NPAT: variants seen among roughly 807,000 people sequenced by gnomAD.
NPAT encodes protein NPAT.
A neutral mutation model predicts 130.7 loss-of-function variants in NPAT; 52 were observed. That is an observed-to-expected ratio of 0.40 (90% CI 0.32 to 0.50). NPAT has a LOEUF of 0.50. NPAT is among the 20% of genes least tolerant of loss of function. The pLI, the probability that NPAT is intolerant of heterozygous loss-of-function variation, is 0.68. For missense variants in NPAT, 1,687 were observed against 1,662.6 expected (o/e 1.01, Z -0.26); for synonymous variants, 580 against 584.8 (o/e 0.99, Z 0.12).
chr11:108,170,666 C>T (rs1186901364), intron 13 of NPAT, among the ~76,000 whole-genome samples: 2 of 152,366 alleles, frequency 1.3e-5, no homozygotes, highest in African/African-American at 2.4e-5. Context: ...ACACTACTGT[C>T]AGGTTGATCC....
chr11:108,166,389 T>C (rs1340266059), intron 15 of NPAT, among the ~76,000 whole-genome samples: 2 of 151,756 alleles, frequency 1.3e-5, no homozygotes, highest in African/African-American at 2.4e-5. Context: ...AAGACTCCCA[T>C]CTAAAAAAAA....
chr11:108,176,888 A>G, intron 11 of NPAT, 106 bp downstream of exon 11: 1 of 720,046 alleles, frequency 1.4e-6, no homozygotes, highest in South Asian at 1.6e-5. Context: ...AAATGAAAAC[A>G]AGAACTTTTT....
At chr11:108,207,858 A>G (rs963083447) in intron 1 of NPAT, among the ~76,000 whole-genome samples, 1 of 152,182 alleles carries the variant, frequency 6.6e-6, no homozygotes, top group African/African-American at 2.4e-5. Context: ...TGCCCTGTGG[A>G]GCACACAGCC....
Position 108,172,295 on chromosome 11 carries a change from T to C in NPAT, c.2689A>G (p.Met897Val). ...TGAGGTGGTAGAGGTTGAGCAGTCA[T>C]AGGTGCAGAATTTCCAGGCAACACC... ...VVVLPGNSAP[M>V]TAQPLPPQLQ... The change falls in exon 13 of 18, where the codon ATG becomes GTG. Residue 897 changes from methionine (M) to valine (V), a missense_variant. This residue lies in a region of NPAT where 1,379 missense variants were observed against 1,346.6 expected (regional missense o/e 1.02). Coordinates refer to ENST00000278612, the MANE Select transcript of NPAT (RefSeq NM_002519.3). The C allele has an allele frequency of 1.2e-6, 2 of 1,614,166 alleles. No individual in the cohort carries two copies. Among genetic ancestry groups the C allele is most frequent in the East Asian group, 2.2e-5 (1 of 44,880 alleles).
intron 15 of NPAT, among the ~76,000 whole-genome samples, chr11:108,166,253 G>C (rs1057398079): frequency 6.6e-6 from 1 of 152,060 alleles, no homozygotes; most frequent in Non-Finnish European, 1.5e-5. Flanking sequence ...TTAGCTGAGT[G>C]TTGTGGCATG....
intron 1 of NPAT, chr11:108,208,539 G>T (rs1314916647): frequency 2.2e-6 from 1 of 451,010 alleles, no homozygotes; most frequent in Admixed American, 2.4e-5. Context: ...AGCGAACCAT[G>T]ACTGCACCAC....
intron 17 of NPAT, among the ~76,000 whole-genome samples, chr11:108,159,764 A>T (rs2077827435): frequency 6.6e-6 from 1 of 151,964 alleles, no homozygotes; most frequent in African/African-American, 2.4e-5. Flanking sequence ...TAATCCCAGC[A>T]CTTTGGGAGG....
rs577236782 is a variant in NPAT at position 108,208,600 on chromosome 11, A to AAG, written c.38-11182_38-11181dup. 77 of 339,654 alleles carry AAG rather than the reference A, an allele frequency of 2.3e-4. 1 individual carries two copies. The highest frequency in any genetic ancestry group is 1.1e-3 in the South Asian group (50 of 46,396). 21.0% of individuals were successfully genotyped at this position (339,654 alleles called of 1,614,324 possible). On this transcript the variant is annotated intron_variant, in intron 1 of 17. Transcript: ENST00000278612. ...GAGACCCTGTCTTTAAAAAAAAAAA[A>AAG]AGAGAGAGAGAGAAATAACACTTAT...
In NPAT at chr11:108,172,775, T is replaced by C. The variant is rs776924039; in HGVS notation, c.2209A>G (p.Ile737Val). Residue 737 changes from isoleucine (I) to valine (V), a missense_variant, in exon 13 of 18, where the codon ATC becomes GTC. Physicochemically the swap from Ile to Val is conservative, Grantham distance 29. Coordinates refer to ENST00000278612, the MANE Select transcript of NPAT (RefSeq NM_002519.3). ...CTAATGATAACTTTGAGAGAGACGA[T>C]ATTTGATGCATCTATCTCTGCTGAG... ...NNSAEIDASN[I>V]VSLKVIISDD... 3 of 1,613,688 alleles carry C rather than the reference T, an allele frequency of 1.9e-6. No homozygotes were observed. Among genetic ancestry groups the C allele is most frequent in the Admixed American group, 3.3e-5 (2 of 60,024 alleles).
intron 1 of NPAT, among the ~76,000 whole-genome samples, chr11:108,216,100 G>C (rs907202027): frequency 5.4e-5 from 8 of 149,360 alleles, no homozygotes; most frequent in African/African-American, 2.1e-4. Flanking sequence ...AACTTCTACA[G>C]ACTATTAGAA....
chr11:108,212,945 CAAAAAAAAAA>C (rs34466178), intron 1 of NPAT, among the ~76,000 whole-genome samples: 10 of 36,416 alleles, frequency 2.7e-4, no homozygotes, highest in African/African-American at 9.5e-4. Context: ...GACTCTGTCT[CAAAAAAAAAA>C]AAAAAAAAAA....
intron 12 of NPAT, among the ~76,000 whole-genome samples, chr11:108,174,754 A>G (rs920500847): frequency 6.6e-6 from 1 of 151,538 alleles, no homozygotes; most frequent in Non-Finnish European, 1.5e-5. Flanking sequence ...ATCTGGGATC[A>G]CAGGTGCGCG....
In NPAT at chr11:108,189,292, T is replaced by C. The variant is rs749929564; in HGVS notation, c.370A>G (p.Arg124Gly). The C allele has an allele frequency of 2.5e-6, 4 of 1,614,190 alleles. 1 individual carries two copies. The highest frequency in any genetic ancestry group is 3.3e-5 in the Admixed American group (2 of 60,026). Reference sequence around the variant, plus strand: ...GGAGCTGTTTGAGATGCAAGCTTTCTCTGCCGTTTGATTTCTGCAATTCCA... The same window carrying C: ...GGAGCTGTTTGAGATGCAAGCTTTCCCTGCCGTTTGATTTCTGCAATTCCA... ...RTGIAEIKRQ[R>G]KLASQTAPAS... is the part of the protein sequence containing the mutation. Residue 124 changes from arginine (R) to glycine (G), a missense_variant, in exon 6 of 18, where the codon AGA (arginine) becomes GGA (glycine). Coordinates refer to ENST00000278612, the MANE Select transcript of NPAT (RefSeq NM_002519.3).
Position 108,161,283 on chromosome 11 carries a change from G to A in NPAT, c.3803C>T (p.Pro1268Leu), listed in dbSNP as rs2077845673. The A allele has an allele frequency of 6.2e-7, 1 of 1,613,990 alleles. No homozygotes were observed. Among genetic ancestry groups the A allele is most frequent in the African/African-American group, 1.3e-5 (1 of 74,872 alleles). ...CCCTGCCCCTGAGCCAGGTGTCCGG[G>A]GCACAGGTAAATCACTACTATCAGC... ...RLADSSDLPV[P>L]RTPGSGAGEK... Residue 1268 changes from proline (P) to leucine (L), a missense_variant, in exon 17 of 18, where the codon CCC becomes CTC. Transcript: ENST00000278612.
intron 1 of NPAT, among the ~76,000 whole-genome samples, chr11:108,217,276 T>C (rs1214117932): frequency 6.6e-6 from 1 of 152,250 alleles, no homozygotes; most frequent in Non-Finnish European, 1.5e-5. Context: ...TCTAGCTACC[T>C]GCAACCTTGA....
chr11:108,192,050 TAAG>T (rs1382594264), intron 4 of NPAT, 65 bp downstream of exon 4: 21 of 1,047,784 alleles, frequency 2.0e-5, no homozygotes, highest in Non-Finnish European at 2.9e-5. Context: ...GTGTAGGTCT[TAAG>T]AAGATTTAAA....
intron 1 of NPAT, among the ~76,000 whole-genome samples, chr11:108,208,981 T>C (rs2078356815): frequency 6.6e-6 from 1 of 152,192 alleles, no homozygotes. Context: ...TATAAACACC[T>C]GTATTTAAAA....
chr11:108,204,567 C>A (rs1156749815), intron 1 of NPAT, among the ~76,000 whole-genome samples: 1 of 152,088 alleles, frequency 6.6e-6, no homozygotes, highest in Non-Finnish European at 1.5e-5. Flanking sequence ...CCTGCCGAAC[C>A]TGCAGAACCT....
rs1165287256 is a variant in NPAT, at chr11:108,172,561, G to A, written c.2423C>T (p.Ala808Val). ...AVVYAEVGDSASMEQSLLTFK... is the reference protein window; with the variant it reads ...AVVYAEVGDSVSMEQSLLTFK... The stretch of plus-strand genomic sequence containing the variant: ...TGTTAAAAGACTCTGTTCCATTGAG[G>A]CTGAATCCCCTACTTCGGCATATAC... Residue 808 changes from alanine (A) to valine (V), a missense_variant, in exon 13 of 18, where the codon GCC (alanine) becomes GTC (valine). Physicochemically the swap from Ala to Val is moderately conservative, Grantham distance 64. Coordinates refer to ENST00000278612, the MANE Select transcript of NPAT (RefSeq NM_002519.3). The A allele has an allele frequency of 1.2e-6, 2 of 1,614,000 alleles. No individual in the cohort carries two copies. The highest frequency in any genetic ancestry group is 1.7e-6 in the Non-Finnish European group (2 of 1,180,014).
Sources: gnomAD v4.1 joint callset for allele counts (sites outside exome capture counted in the v4.1 genomes callset) on GRCh38, gnomAD v4.1.1 for gene constraint, gnomAD v4.1.1 regional missense constraint, MANE v1.5 for transcripts, NCBI Gene and HGNC (gene_info 2026-07-23, HGNC 2026-07-21) for gene names.